Variants in RIMS1 observed in about 807,000 individuals in gnomAD.
The protein encoded by RIMS1 is regulating synaptic membrane exocytosis 1.
Under a neutral mutation model 214.1 loss-of-function variants are expected in RIMS1, and 83 were observed. The ratio of observed to expected loss-of-function variants is 0.39; its 90% CI spans 0.32 to 0.47. The LOEUF (loss-of-function observed/expected upper bound fraction) is 0.47. Ranked by LOEUF, RIMS1 falls within the 20% of genes least tolerant of loss-of-function variation. The pLI, the probability that RIMS1 is intolerant of heterozygous loss-of-function variation, is 0.99. For missense variants in RIMS1, 2,050 were observed against 2,161.8 expected (o/e 0.95, Z 1.03); for synonymous variants, 793 against 786.8 (o/e 1.01, Z -0.13).
intron 23 of RIMS1, among the ~76,000 whole-genome samples, chr6:72,277,581 CAA>C (rs34868285): frequency 7.2e-6 from 1 of 138,060 alleles, no homozygotes; most frequent in Non-Finnish European, 1.6e-5. Context: ...GACTCTGTCT[CAA>C]AAAAAAAAAA....
intron 10 of RIMS1, among the ~76,000 whole-genome samples, chr6:72,243,470 G>A (rs183400055): frequency 6.6e-6 from 1 of 151,834 alleles, no homozygotes; most frequent in East Asian, 1.9e-4. Context: ...ACATTTCCAT[G>A]TAGATTTTTA....
At chr6:72,306,633 T>G (rs947453968) in intron 26 of RIMS1, among the ~76,000 whole-genome samples, 3 of 152,208 alleles carry the variant, frequency 2.0e-5, no homozygotes, top group Non-Finnish European at 4.4e-5. Context: ...ATTTTCAAAC[T>G]TACGAATTTC....
At chr6:72,026,711 A>G (rs1816627903) in intron 2 of RIMS1, among the ~76,000 whole-genome samples, 1 of 152,086 alleles carries the variant, frequency 6.6e-6, no homozygotes, top group Non-Finnish European at 1.5e-5. Context: ...CATTTCCACC[A>G]TCACCTCACA....
chr6:72,391,511 A>G (rs1242176153), intron 30 of RIMS1, among the ~76,000 whole-genome samples: 1 of 152,206 alleles, frequency 6.6e-6, no homozygotes, highest in African/African-American at 2.4e-5. Context: ...GATTCACCAC[A>G]TATAAATTTT....
At chr6:71,924,008 G>A (rs1374604390) in intron 1 of RIMS1, among the ~76,000 whole-genome samples, 2 of 152,148 alleles carry the variant, frequency 1.3e-5, no homozygotes, top group Non-Finnish European at 2.9e-5. Flanking sequence ...AAAGATCTTA[G>A]TAAACTATCT....
chr6:72,290,186 T>G (rs2093137635), intron 24 of RIMS1, among the ~76,000 whole-genome samples: 1 of 152,210 alleles, frequency 6.6e-6, no homozygotes, highest in South Asian at 2.1e-4. Flanking sequence ...TTTGGCATAG[T>G]CTTGCTTATT....
rs151157210 is a variant in RIMS1, at chr6:72,020,334, C to T, written c.245+51271C>T. 3.3e-5 allele frequency among the ~76,000 whole-genome samples: 5 copies of T among 152,284 alleles called. No individual in the cohort carries two copies. In the East Asian group the frequency reaches 9.6e-4, roughly 29 times the overall value. On this transcript the variant is annotated intron_variant, in intron 2 of 33. Transcript: ENST00000521978. ...GTCTGCACAATAGCCGAAGTAAACC[C>T]TTAAAATCACATAGTTTTTCCTGCT... is the stretch of plus-strand genomic sequence containing the variant.
chr6:72,348,390 G>A (rs1232115630), intron 29 of RIMS1, among the ~76,000 whole-genome samples: 4 of 151,634 alleles, frequency 2.6e-5, no homozygotes, highest in Admixed American at 1.3e-4. Context: ...GTTTACTGTC[G>A]GACGACTGTA....
At chr6:72,213,185 C>T (rs765324342) in intron 6 of RIMS1, 79 of 1,536,348 alleles carry the variant, frequency 5.1e-5, no homozygotes, top group Admixed American at 7.9e-5. Context: ...CTGTTGATTC[C>T]GAAGAGGGAA....
At chr6:72,185,505 A>T (rs373102994) in intron 6 of RIMS1, among the ~76,000 whole-genome samples, 290 of 152,316 alleles carry the variant, frequency 1.9e-3, no homozygotes, top group African/African-American at 6.6e-3. Flanking sequence ...GGATTAACAG[A>T]AGATAACTTG....
At chr6:72,173,893 T>C (rs1307775029) in intron 4 of RIMS1, among the ~76,000 whole-genome samples, 3 of 152,100 alleles carry the variant, frequency 2.0e-5, no homozygotes, top group Non-Finnish European at 2.9e-5. Context: ...AAAACCTACC[T>C]GCCAGAATGA....
chr6:72,203,023 C>T (rs760325452), intron 6 of RIMS1, among the ~76,000 whole-genome samples: 23 of 152,150 alleles, frequency 1.5e-4, no homozygotes, highest in Non-Finnish European at 1.6e-4. Flanking sequence ...GAGTCTCCCT[C>T]TGTCGCCAGG....
rs951657564 is a variant in RIMS1, at chr6:72,313,684, A to G, written c.4130+12A>G. ...AGGGGTAGAATCAGGTGAGTTGGCA[A>G]TACTGTTTATATAAACTGGATCTTT... On this transcript the variant is annotated intron_variant, in intron 28 of 33. Transcript: ENST00000521978. The G allele has an allele frequency of 1.9e-6, 3 of 1,603,476 alleles. No homozygotes were observed. Among genetic ancestry groups the G allele is most frequent in the Non-Finnish European group, 2.6e-6 (3 of 1,174,420 alleles).
intron 2 of RIMS1, among the ~76,000 whole-genome samples, chr6:72,019,672 A>G (rs1813956732): frequency 6.6e-6 from 1 of 152,164 alleles, no homozygotes; most frequent in Non-Finnish European, 1.5e-5. Flanking sequence ...TGACTAAAGG[A>G]ACTAGGAAAT....
intron 26 of RIMS1, among the ~76,000 whole-genome samples, chr6:72,302,244 G>C (rs1044747108): frequency 1.8e-4 from 27 of 151,384 alleles, no homozygotes; most frequent in African/African-American, 6.5e-4. Context: ...ATTGATTCCA[G>C]GTATATGCAG....
At chr6:71,922,850 T>C (rs938639243) in intron 1 of RIMS1, among the ~76,000 whole-genome samples, 1 of 152,204 alleles carries the variant, frequency 6.6e-6, no homozygotes, top group African/African-American at 2.4e-5. Flanking sequence ...AGTCATCTTA[T>C]TTTCTCAGCA....
chr6:72,327,623 T>A (rs926874619), intron 28 of RIMS1, among the ~76,000 whole-genome samples: 3 of 151,810 alleles, frequency 2.0e-5, no homozygotes, highest in Non-Finnish European at 4.4e-5. Flanking sequence ...TCACTTTACA[T>A]CCCCATCAGC....
At chr6:71,936,613 C>G (rs1456139918) in intron 1 of RIMS1, among the ~76,000 whole-genome samples, 1 of 152,148 alleles carries the variant, frequency 6.6e-6, no homozygotes, top group African/African-American at 2.4e-5. Flanking sequence ...GGAACATGCC[C>G]TAGATTTTTG....
chr6:72,018,213 T>A (rs1813389876), intron 2 of RIMS1, among the ~76,000 whole-genome samples: 1 of 152,164 alleles, frequency 6.6e-6, no homozygotes, highest in Non-Finnish European at 1.5e-5. Context: ...AGGTTTTAAG[T>A]ATTAGTTGAA....
Sources: allele counts gnomAD v4.1 joint callset (sites outside exome capture counted in the v4.1 genomes callset), GRCh38; gene constraint gnomAD v4.1.1; transcripts MANE v1.5; gene names NCBI Gene and HGNC (gene_info 2026-07-23, HGNC 2026-07-21).